The following TEAD1 variants were observed in gnomAD, a reference collection of about 807,000 sequenced individuals.
The protein encoded by TEAD1 is transcriptional enhancer factor TEF-1.
In TEAD1, 9 loss-of-function variants were observed where a neutral mutation model predicts 54.9. The ratio of observed to expected loss-of-function variants is 0.16; its 90% CI spans 0.10 to 0.29. TEAD1 has a LOEUF of 0.29. Among genes scored for constraint, TEAD1 ranks in the 10% least tolerant of loss-of-function variants. The pLI is 1.00. For synonymous variants in TEAD1, 200 were observed against 187.8 expected (o/e 1.07, Z -0.53); for missense variants, 387 against 535.9 (o/e 0.72, Z 2.74).
chr11:12,878,667 C>T (rs932200654), intron 5 of TEAD1, among the ~76,000 whole-genome samples: 2 of 151,982 alleles, frequency 1.3e-5, no homozygotes, highest in African/African-American at 2.4e-5. Context: ...GTGCCCTTCT[C>T]AATCATTGCC....
At position 12,764,454 on chromosome 11, in the gene TEAD1, C is replaced by T; in HGVS notation, c.202+20C>T. On this transcript the variant is annotated intron_variant, in intron 3 of 12. Transcript: ENST00000527636. ...TGTATGGTAAGTGGCCTGGAACACT[C>T]CTTTGAAATACTACAACCTGCAGTT... The T allele has an allele frequency of 1.2e-6, 2 of 1,613,438 alleles. No individual in the cohort carries two copies. The highest frequency in any genetic ancestry group is 1.7e-6 in the Non-Finnish European group (2 of 1,179,502).
chr11:12,741,912 A>G (rs1328581953), intron 2 of TEAD1, among the ~76,000 whole-genome samples: 2 of 152,170 alleles, frequency 1.3e-5, no homozygotes, highest in African/African-American at 4.8e-5. Flanking sequence ...TCAGCAGAAA[A>G]ATCATGTGGC....
At chr11:12,770,044 A>G (rs1186840190) in intron 3 of TEAD1, among the ~76,000 whole-genome samples, 3 of 152,232 alleles carry the variant, frequency 2.0e-5, no homozygotes, top group Non-Finnish European at 2.9e-5. Flanking sequence ...AAGAAGCCCT[A>G]TTTTTTATGT....
intron 2 of TEAD1, among the ~76,000 whole-genome samples, chr11:12,718,387 T>G (rs1944109548): frequency 6.6e-6 from 1 of 152,138 alleles, no homozygotes; most frequent in Non-Finnish European, 1.5e-5. Flanking sequence ...ATAATGAAAG[T>G]CAAAGTGCTT....
At chr11:12,751,413 T>A (rs531566629) in intron 2 of TEAD1, among the ~76,000 whole-genome samples, 2 of 152,336 alleles carry the variant, frequency 1.3e-5, no homozygotes, top group South Asian at 4.1e-4. Flanking sequence ...TCAGTTCATT[T>A]GTACTGGCTG....
intron 3 of TEAD1, among the ~76,000 whole-genome samples, chr11:12,790,679 C>T (rs1945780694): frequency 1.3e-5 from 2 of 152,172 alleles, no homozygotes; most frequent in African/African-American, 4.8e-5. Flanking sequence ...CTTTTACTAC[C>T]TTTGCCAGTT....
At chr11:12,861,258 A>T (rs1010711624) in intron 3 of TEAD1, among the ~76,000 whole-genome samples, 6 of 152,132 alleles carry the variant, frequency 3.9e-5, no homozygotes, top group Admixed American at 3.9e-4. Flanking sequence ...ATTTTTTCCT[A>T]TCATGGTTTT....
intron 3 of TEAD1, among the ~76,000 whole-genome samples, chr11:12,785,118 A>G (rs1296184558): frequency 1.3e-5 from 2 of 152,146 alleles, no homozygotes; most frequent in African/African-American, 4.8e-5. Context: ...TTTCTGAGCC[A>G]GGGCCCGGGC....
chr11:12,882,029 C>T (rs1456983016), intron 8 of TEAD1, 72 bp downstream of exon 8: 7 of 1,529,908 alleles, frequency 4.6e-6, no homozygotes, highest in Non-Finnish European at 6.3e-6. Context: ...GCACTTTGTT[C>T]CCAGAGTCAA....
chr11:12,817,576 A>G (rs1245139371), intron 3 of TEAD1, among the ~76,000 whole-genome samples: 1 of 152,210 alleles, frequency 6.6e-6, no homozygotes, highest in African/African-American at 2.4e-5. Context: ...CTGTCCAGAA[A>G]TGAGATCTTG....
intron 5 of TEAD1, among the ~76,000 whole-genome samples, chr11:12,874,767 A>G (rs539474671): frequency 2.6e-5 from 4 of 152,266 alleles, no homozygotes; most frequent in Non-Finnish European, 5.9e-5. Flanking sequence ...GACCACCCAT[A>G]GTTCCTGCTC....
chr11:12,815,033 T>G (rs1363891321), intron 3 of TEAD1, among the ~76,000 whole-genome samples: 2 of 152,154 alleles, frequency 1.3e-5, no homozygotes, highest in Admixed American at 1.3e-4. Flanking sequence ...TGGAGATGTT[T>G]CTGCTGATAA....
chr11:12,777,207 T>C (rs1353345050), intron 3 of TEAD1, among the ~76,000 whole-genome samples: 1 of 152,174 alleles, frequency 6.6e-6, no homozygotes, highest in Non-Finnish European at 1.5e-5. Flanking sequence ...ATGTTTAATT[T>C]GTTTAAAAAA....
intron 2 of TEAD1, among the ~76,000 whole-genome samples, chr11:12,700,854 C>A (rs768739202): frequency 3.9e-5 from 6 of 152,214 alleles, no homozygotes; most frequent in Non-Finnish European, 5.9e-5. Context: ...CAGTCGACTG[C>A]TTCTTCAATA....
chr11:12,753,007 A>ATTTTTTTT (rs1276478132), intron 2 of TEAD1, among the ~76,000 whole-genome samples: 1 of 138,094 alleles, frequency 7.2e-6, no homozygotes. Context: ...CACCCAGCTA[A>ATTTTTTTT]TTTTTTTTTT....
At position 12,764,220 on chromosome 11, in the gene TEAD1, TCCCAC is replaced by T; in HGVS notation, c.-11_-7del. On this transcript the variant is annotated 5_prime_UTR_variant, in exon 3 of 13. Transcript: ENST00000527636. ...AGGCTCCAGGCTTCGGCTTGGAAAA[TCCCAC>T]CGCCAAAATTGAGCCCAGCAGCTGG... 6.2e-7 allele frequency: 1 copy of T among 1,611,934 alleles called. No homozygotes were observed. The highest frequency in any genetic ancestry group is 8.5e-7 in the Non-Finnish European group (1 of 1,179,404).
At chr11:12,866,311 A>G (rs1947615322) in intron 5 of TEAD1, among the ~76,000 whole-genome samples, 1 of 152,218 alleles carries the variant, frequency 6.6e-6, no homozygotes, top group African/African-American at 2.4e-5. Flanking sequence ...TGTTGTTTCC[A>G]TCTGTGATGA....
At chr11:12,930,409 T>A in intron 12 of TEAD1, 83 bp downstream of exon 12, 1 of 1,552,066 alleles carries the variant, frequency 6.4e-7, no homozygotes, top group Non-Finnish European at 8.9e-7. Flanking sequence ...TGGGAGGCGC[T>A]GGGCCTGCGC....
chr11:12,849,628 T>C (rs1481437979), intron 3 of TEAD1, among the ~76,000 whole-genome samples: 1 of 152,202 alleles, frequency 6.6e-6, no homozygotes, highest in Non-Finnish European at 1.5e-5. Flanking sequence ...GCTTCAGAAG[T>C]TGATAGAATT....
Sources: gnomAD v4.1 joint callset for allele counts (sites outside exome capture counted in the v4.1 genomes callset) on GRCh38, gnomAD v4.1.1 for gene constraint, MANE v1.5 for transcripts, NCBI Gene and HGNC (gene_info 2026-07-23, HGNC 2026-07-21) for gene names.